Variants in KCNIP4 observed in about 807,000 individuals in gnomAD.
The protein encoded by KCNIP4 is potassium voltage-gated channel interacting protein 4, also known as Kv channel-interacting protein 4.
In KCNIP4, 12 loss-of-function variants were observed where a neutral mutation model predicts 34.0. The observed-to-expected ratio is 0.35, with a 90% CI of 0.23 to 0.57. The LOEUF is 0.57. Among genes scored for constraint, KCNIP4 ranks in the 20% least tolerant of loss-of-function variants. The pLI is 0.83. For synonymous variants in KCNIP4, 124 were observed against 102.2 expected, an observed-to-expected ratio of 1.21 and a Z score of -1.29; for missense variants, 238 against 311.7, an observed-to-expected ratio of 0.76 and a Z score of 1.78.
At chr4:21,507,741 A>G (rs998114067) in intron 1 of KCNIP4, among the ~76,000 whole-genome samples, 1 of 152,210 alleles carries the variant, frequency 6.6e-6, no homozygotes, top group Admixed American at 6.6e-5. Flanking sequence ...TACAAATTCT[A>G]CAAAGATAGT....
chr4:21,388,851 A>C (rs1452046874), intron 1 of KCNIP4, among the ~76,000 whole-genome samples: 1 of 152,196 alleles, frequency 6.6e-6, no homozygotes, highest in Non-Finnish European at 1.5e-5. Context: ...ATTGCTGAAT[A>C]ATATTTCATT....
intron 1 of KCNIP4, among the ~76,000 whole-genome samples, chr4:21,227,670 AAAAACAAAAC>A (rs57503395): frequency 1.3e-5 from 2 of 151,514 alleles, no homozygotes; most frequent in East Asian, 3.9e-4. Context: ...TCCGCAGTTA[AAAAACAAAAC>A]AAAACAAAAC....
At chr4:21,257,822 C>T (rs986850863) in intron 1 of KCNIP4, among the ~76,000 whole-genome samples, 12 of 151,894 alleles carry the variant, frequency 7.9e-5, no homozygotes, top group African/African-American at 2.4e-4. Flanking sequence ...TTTAACCAGA[C>T]CTGTTCATGA....
At chr4:21,190,440 G>T (rs1577859621) in intron 1 of KCNIP4, among the ~76,000 whole-genome samples, 1 of 144,000 alleles carries the variant, frequency 6.9e-6, no homozygotes, top group African/African-American at 2.7e-5. Context: ...AGAATGCTGT[G>T]TGTGCCACAC....
intron 1 of KCNIP4, among the ~76,000 whole-genome samples, chr4:21,786,416 T>A (rs1719917789): frequency 6.6e-6 from 1 of 152,244 alleles, no homozygotes; most frequent in South Asian, 2.1e-4. Context: ...CAACACCTGT[T>A]ATAATCTGAT....
At chr4:20,754,319 A>T (rs1307389380) in intron 4 of KCNIP4, among the ~76,000 whole-genome samples, 1 of 152,204 alleles carries the variant, frequency 6.6e-6, no homozygotes, top group East Asian at 1.9e-4. Flanking sequence ...TTCTGTAGAT[A>T]AGACAAAGCA....
chr4:20,745,159 G>T (rs143194412), intron 5 of KCNIP4, among the ~76,000 whole-genome samples: 165 of 152,248 alleles, frequency 1.1e-3, no homozygotes, highest in African/African-American at 3.6e-3. Context: ...CCACCCTTAG[G>T]TTGTAGCCAG....
chr4:21,029,174 T>A (rs535306578), intron 1 of KCNIP4, among the ~76,000 whole-genome samples: 1 of 152,284 alleles, frequency 6.6e-6, no homozygotes, highest in East Asian at 1.9e-4. Flanking sequence ...ATCTATGAGA[T>A]CACCTTCTTT....
At chr4:21,440,975 G>T (rs1727420202) in intron 1 of KCNIP4, among the ~76,000 whole-genome samples, 1 of 151,994 alleles carries the variant, frequency 6.6e-6, no homozygotes, top group Admixed American at 6.6e-5. Flanking sequence ...TATGAAATAT[G>T]CAATCAGTAC....
intron 1 of KCNIP4, among the ~76,000 whole-genome samples, chr4:20,951,081 A>C (rs1031893756): frequency 6.6e-6 from 1 of 152,094 alleles, no homozygotes; most frequent in African/African-American, 2.4e-5. Flanking sequence ...GTATCTTTAT[A>C]AGAAGACACG....
At chr4:21,791,599 G>A (rs1720288021) in intron 1 of KCNIP4, among the ~76,000 whole-genome samples, 1 of 152,098 alleles carries the variant, frequency 6.6e-6, no homozygotes, top group Non-Finnish European at 1.5e-5. Flanking sequence ...TGAGTAAGAT[G>A]TCTGTGTCCA....
intron 2 of KCNIP4, among the ~76,000 whole-genome samples, chr4:20,853,543 A>C (rs1319979491): frequency 5.3e-5 from 8 of 152,206 alleles, no homozygotes; most frequent in Admixed American, 4.6e-4. Context: ...AAAATTCTAG[A>C]AGATAACATT....
intron 1 of KCNIP4, among the ~76,000 whole-genome samples, chr4:21,444,387 G>A (rs1727774855): frequency 6.6e-6 from 1 of 152,134 alleles, no homozygotes; most frequent in Non-Finnish European, 1.5e-5. Context: ...TAAAATACTG[G>A]CAAATTGAAT....
chr4:20,982,580 A>C (rs1736166770), intron 1 of KCNIP4, among the ~76,000 whole-genome samples: 2 of 152,380 alleles, frequency 1.3e-5, no homozygotes, highest in South Asian at 4.1e-4. Flanking sequence ...CTTATTGAGA[A>C]TAAAGAAGAT....
intron 1 of KCNIP4, among the ~76,000 whole-genome samples, chr4:21,076,890 A>G (rs1278369986): frequency 6.6e-6 from 1 of 152,130 alleles, no homozygotes; most frequent in Non-Finnish European, 1.5e-5. Context: ...TGGGAGGCCA[A>G]AGCAGGTGGA....
chr4:21,907,104 C>T (rs1285503725), intron 1 of KCNIP4, among the ~76,000 whole-genome samples: 1 of 152,062 alleles, frequency 6.6e-6, no homozygotes, highest in South Asian at 2.1e-4. Context: ...CCACAATTCA[C>T]GTGCTGGAAA....
intron 1 of KCNIP4, among the ~76,000 whole-genome samples, chr4:21,010,433 C>T (rs536882877): frequency 2.0e-5 from 3 of 152,146 alleles, no homozygotes; most frequent in Admixed American, 6.5e-5. Context: ...TGGCAGAGCA[C>T]CTTTTTTTAA....
chr4:20,978,618 A>T (rs914497767), intron 1 of KCNIP4, among the ~76,000 whole-genome samples: 3 of 152,154 alleles, frequency 2.0e-5, no homozygotes, highest in Admixed American at 2.0e-4. Flanking sequence ...ATTCTTATAT[A>T]TCAATCTTAT....
intron 3 of KCNIP4, among the ~76,000 whole-genome samples, chr4:20,845,866 G>A (rs1428756865): frequency 6.6e-6 from 1 of 152,074 alleles, no homozygotes; most frequent in Non-Finnish European, 1.5e-5. Flanking sequence ...GCTTAGAAAA[G>A]GATCCACGAT....
Sources: allele counts gnomAD v4.1 joint callset (sites outside exome capture counted in the v4.1 genomes callset), GRCh38; gene constraint gnomAD v4.1.1; transcripts MANE v1.5; gene names NCBI Gene and HGNC (gene_info 2026-07-23, HGNC 2026-07-21).